FRMD4A: variants seen among roughly 807,000 people sequenced by gnomAD.
FRMD4A encodes FERM domain containing 4A.
A neutral mutation model predicts 129.1 loss-of-function variants in FRMD4A; 29 were observed. The ratio of observed to expected loss-of-function variants is 0.22; its 90% CI spans 0.17 to 0.31. The LOEUF is 0.31. FRMD4A is among the 10% of genes least tolerant of loss of function. The probability of loss-of-function intolerance (pLI) is 1.00; values close to 1 mark genes in which losing one functional copy is unlikely to be tolerated. For synonymous variants in FRMD4A, 634 were observed against 571.6 expected, an observed-to-expected ratio of 1.11 and a Z score of -1.56; for missense variants, 1,272 against 1,375.8, an observed-to-expected ratio of 0.92 and a Z score of 1.19.
intron 3 of FRMD4A, among the ~76,000 whole-genome samples, chr10:13,820,782 A>G (rs1353521658): frequency 1.3e-5 from 2 of 152,216 alleles, no homozygotes; most frequent in Non-Finnish European, 2.9e-5. Flanking sequence ...TGTGCCCAGC[A>G]CTGCCTGCCC....
At chr10:13,664,634 C>T (rs1195226631) in intron 18 of FRMD4A, among the ~76,000 whole-genome samples, 1 of 152,102 alleles carries the variant, frequency 6.6e-6, no homozygotes, top group East Asian at 1.9e-4. Context: ...TGCAAATCTG[C>T]ATCTATCTAT....
At chr10:13,662,421 C>G (rs796118173) in intron 19 of FRMD4A, among the ~76,000 whole-genome samples, 8 of 152,282 alleles carry the variant, frequency 5.3e-5, no homozygotes, top group African/African-American at 1.9e-4. Context: ...AGCCACTTAT[C>G]ACTGCCTGCC....
intron 5 of FRMD4A, among the ~76,000 whole-genome samples, chr10:13,791,139 A>T (rs2092991270): frequency 6.6e-6 from 1 of 152,202 alleles, no homozygotes; most frequent in South Asian, 2.1e-4. Context: ...AAGTAGGACT[A>T]GGAGCTCCCT....
intron 2 of FRMD4A, among the ~76,000 whole-genome samples, chr10:14,018,336 G>T (rs552150570): frequency 6.6e-6 from 1 of 150,648 alleles, no homozygotes; most frequent in Non-Finnish European, 1.5e-5. Flanking sequence ...GGCGTCTGTA[G>T]TCCCAGCTAC....
intron 2 of FRMD4A, among the ~76,000 whole-genome samples, chr10:14,152,166 C>T (rs888577685): frequency 6.3e-5 from 7 of 111,966 alleles, no homozygotes; most frequent in Non-Finnish European, 8.2e-5. Context: ...CTCGCTCTGT[C>T]GCCCAGGCTG....
chr10:13,652,692 T>C (rs74121364), intron 23 of FRMD4A, among the ~76,000 whole-genome samples: 7,165 of 152,208 alleles, frequency 0.047, 482 homozygotes, highest in African/African-American at 0.14. Context: ...GAGCTGGGGC[T>C]CCAGTTTCTC....
intron 2 of FRMD4A, among the ~76,000 whole-genome samples, chr10:14,239,165 A>G (rs1173278472): frequency 5.9e-5 from 9 of 152,188 alleles, no homozygotes; most frequent in African/African-American, 2.2e-4. Context: ...ATCTGTGGAG[A>G]TACTGTTGGA....
At position 13,840,686 on chromosome 10, in the gene FRMD4A, G is replaced by T. The variant is rs1036108498; in HGVS notation, c.111+18161C>A. On this transcript the variant is annotated intron_variant, in intron 3 of 24. Coordinates refer to ENST00000357447, the MANE Select transcript of FRMD4A (RefSeq NM_018027.5). ...GCCTGTAATCCCAGCTATTAGGGAC[G>T]CTGAGGCATGAGAATCGCTTGAACC... Among the ~76,000 whole-genome samples the T allele has an allele frequency of 5.9e-5, 9 of 151,632 alleles. No homozygotes were observed. In the South Asian group the frequency reaches 6.2e-4, roughly 11 times the overall value.
intron 3 of FRMD4A, among the ~76,000 whole-genome samples, chr10:13,819,851 AG>A (rs1312734416): frequency 1.3e-5 from 2 of 152,096 alleles, no homozygotes; most frequent in African/African-American, 4.8e-5. Flanking sequence ...CCACCCAAGT[AG>A]CTGGGATTAT....
intron 2 of FRMD4A, among the ~76,000 whole-genome samples, chr10:14,022,014 T>C (rs1832781947): frequency 6.6e-6 from 1 of 152,168 alleles, no homozygotes; most frequent in Admixed American, 6.5e-5. Flanking sequence ...AAAAATATAC[T>C]AGTTAAAACT....
chr10:13,936,950 G>A (rs549845611), intron 2 of FRMD4A, among the ~76,000 whole-genome samples: 1 of 152,226 alleles, frequency 6.6e-6, no homozygotes, highest in Admixed American at 6.5e-5. Context: ...TCTTTCTGTT[G>A]CTTCTGATCC....
At chr10:13,962,038 C>CGAATGAAT (rs57314404) in intron 2 of FRMD4A, among the ~76,000 whole-genome samples, 5,266 of 128,458 alleles carry the variant, frequency 0.041, 110 homozygotes, top group Non-Finnish European at 0.06. Context: ...CAAAAACACA[C>CGAATGAAT]GAATGAATGA....
chr10:14,293,997 G>A (rs770971812), intron 2 of FRMD4A, among the ~76,000 whole-genome samples: 1 of 152,164 alleles, frequency 6.6e-6, no homozygotes, highest in Non-Finnish European at 1.5e-5. Context: ...AAAACTAAAT[G>A]TATTACTTGG....
chr10:13,811,052 C>A, intron 3 of FRMD4A, 144 bp from the exon 4 acceptor site: 1 of 542,722 alleles, frequency 1.8e-6, no homozygotes, highest in Non-Finnish European at 3.3e-6. Flanking sequence ...TAAACCCAAA[C>A]AAATAGACAA....
chr10:14,199,852 G>C (rs993616989), intron 2 of FRMD4A, among the ~76,000 whole-genome samples: 1 of 139,970 alleles, frequency 7.1e-6, no homozygotes, highest in Non-Finnish European at 1.7e-5. Context: ...CTTTAAGAAA[G>C]ACATGAATAA....
intron 2 of FRMD4A, among the ~76,000 whole-genome samples, chr10:14,037,755 T>C (rs1278898744): frequency 1.3e-5 from 2 of 152,202 alleles, no homozygotes; most frequent in African/African-American, 2.4e-5. Flanking sequence ...TCCACTCTTA[T>C]GTTACAGTGA....
chr10:14,079,845 T>C (rs146775042), intron 2 of FRMD4A, among the ~76,000 whole-genome samples: 2 of 152,222 alleles, frequency 1.3e-5, no homozygotes, highest in Admixed American at 6.5e-5. Context: ...CAGATAGACA[T>C]ATTGAATGTG....
chr10:14,104,682 C>T (rs1334461372), intron 2 of FRMD4A, among the ~76,000 whole-genome samples: 1 of 152,230 alleles, frequency 6.6e-6, no homozygotes, highest in Non-Finnish European at 1.5e-5. Flanking sequence ...ACGAGCCAGT[C>T]CTGGCACTCA....
chr10:13,962,520 C>G (rs1231070294), intron 2 of FRMD4A, among the ~76,000 whole-genome samples: 2 of 152,132 alleles, frequency 1.3e-5, no homozygotes, highest in East Asian at 1.9e-4. Flanking sequence ...AATAGACTCT[C>G]TATTTAGTGA....
Sources: allele counts gnomAD v4.1 joint callset (sites outside exome capture counted in the v4.1 genomes callset), GRCh38; gene constraint gnomAD v4.1.1; transcripts MANE v1.5; gene names NCBI Gene and HGNC (gene_info 2026-07-23, HGNC 2026-07-21).